Variants in STT3A observed in about 807,000 individuals in gnomAD.
STT3A encodes the protein dolichyl-diphosphooligosaccharide--protein glycosyltransferase subunit STT3A.
In STT3A, 34 loss-of-function variants were observed where a neutral mutation model predicts 89.2. The observed-to-expected ratio is 0.38, with a 90% CI of 0.29 to 0.51. The LOEUF (loss-of-function observed/expected upper bound fraction) is 0.51, where lower values mean the gene tolerates loss of function less well. Among genes scored for constraint, STT3A ranks in the 20% least tolerant of loss-of-function variants. The probability of loss-of-function intolerance (pLI) is 0.89; values close to 1 mark genes in which losing one functional copy is unlikely to be tolerated. For missense variants in STT3A, 555 were observed against 889.5 expected, an observed-to-expected ratio of 0.62 and a Z score of 4.78; for synonymous variants, 282 against 310.3, an observed-to-expected ratio of 0.91 and a Z score of 0.96.
chr11:125,602,756 TAAG>T (rs1381309409), intron 4 of STT3A, 44 bp from the exon 5 acceptor site: 1 of 1,610,094 alleles, frequency 6.2e-7, no homozygotes, highest in Non-Finnish European at 8.5e-7. Context: ...CTTTTTCCCT[TAAG>T]TTCTGGTAAG....
chr11:125,603,721 C>T (rs1302566423), intron 5 of STT3A, among the ~76,000 whole-genome samples: 1 of 152,212 alleles, frequency 6.6e-6, no homozygotes, highest in Non-Finnish European at 1.5e-5. Flanking sequence ...GGTAGATTAT[C>T]ACTTAGCTTT....
In STT3A at chr11:125,612,689, G is replaced by C. The variant is rs1317203397; in HGVS notation, c.1307G>C (p.Ser436Thr). Residue 436 changes from serine to threonine, a missense_variant, in exon 12 of 18, where the codon AGT (serine) becomes ACT (threonine). Coordinates refer to ENST00000392708, the MANE Select transcript of STT3A (RefSeq NM_152713.5). ...LSTYMKNLDI[S>T]RPDKKSKKQQ... is the part of the protein sequence containing the mutation. ...ACATACATGAAGAATCTGGACATAAGTCGTCCAGACAAGAAGAGCAAGAAG... is the reference window on the plus strand; with the variant it reads ...ACATACATGAAGAATCTGGACATAACTCGTCCAGACAAGAAGAGCAAGAAG... 4.3e-6 allele frequency: 7 copies of C among 1,614,022 alleles called. No individual in the cohort carries two copies. In the African/African-American group the frequency reaches 9.3e-5, roughly 22 times the overall value.
At chr11:125,606,125 A>T in intron 7 of STT3A, 176 bp from the exon 8 acceptor site, 1 of 598,300 alleles carries the variant, frequency 1.7e-6, no homozygotes, top group Non-Finnish European at 2.8e-6. Flanking sequence ...TAAGGACTTG[A>T]TTTTCCTGTT....
intron 11 of STT3A, among the ~76,000 whole-genome samples, chr11:125,611,998 C>T (rs1398123414): frequency 1.3e-5 from 2 of 150,432 alleles, no homozygotes; most frequent in African/African-American, 4.9e-5. Flanking sequence ...CTGCCTCAGC[C>T]TCCCAAATAG....
chr11:125,618,207 C>T (rs942392740), intron 15 of STT3A, among the ~76,000 whole-genome samples, 166 bp from the exon 16 acceptor site: 3 of 152,170 alleles, frequency 2.0e-5, no homozygotes, highest in South Asian at 2.1e-4. Flanking sequence ...TATATTTTGA[C>T]GAAAAATGCT....
At chr11:125,606,182 A>C (rs1263263408) in intron 7 of STT3A, 119 bp from the exon 8 acceptor site, 1 of 1,012,478 alleles carries the variant, frequency 9.9e-7, no homozygotes, top group Non-Finnish European at 1.4e-6. Context: ...ATTTGGCATA[A>C]ATAAAGTTAT....
chr11:125,617,556 G>A (rs558952366), intron 15 of STT3A, among the ~76,000 whole-genome samples: 61 of 152,312 alleles, frequency 4.0e-4, no homozygotes, highest in South Asian at 1.7e-3. Context: ...CCTAAAGCCT[G>A]TGCAAGCAAT....
intron 15 of STT3A, among the ~76,000 whole-genome samples, chr11:125,615,996 G>A (rs1000309263): frequency 2.0e-5 from 3 of 152,004 alleles, no homozygotes; most frequent in South Asian, 4.1e-4. Context: ...TTGAGATTGC[G>A]CCACTGCACC....
intron 3 of STT3A, 111 bp downstream of exon 3, chr11:125,597,230 C>T: frequency 9.2e-7 from 1 of 1,086,884 alleles, no homozygotes; most frequent in Admixed American, 2.1e-5. Context: ...GCTTTCAGTA[C>T]ATTTAAGGGA....
chr11:125,602,111 A>G (rs945024453), intron 3 of STT3A, among the ~76,000 whole-genome samples, 192 bp from the exon 4 acceptor site: 3 of 152,152 alleles, frequency 2.0e-5, no homozygotes, highest in Non-Finnish European at 4.4e-5. Flanking sequence ...TCCTTATGAG[A>G]AAAGCAGTGC....
At chr11:125,608,977 C>T (rs1252757921) in intron 9 of STT3A, among the ~76,000 whole-genome samples, 2 of 152,138 alleles carry the variant, frequency 1.3e-5, no homozygotes. Flanking sequence ...CATCTAATCC[C>T]ATGGAAACTA....
intron 3 of STT3A, among the ~76,000 whole-genome samples, chr11:125,597,927 G>A (rs754288680): frequency 5.9e-5 from 9 of 152,178 alleles, no homozygotes; most frequent in Admixed American, 2.6e-4. Context: ...GAAATGAGGA[G>A]ACTCCACTGG....
In STT3A at chr11:125,605,685, A is replaced by G. The variant is rs770294548; in HGVS notation, c.565A>G (p.Thr189Ala). 2.5e-6 allele frequency: 4 copies of G among 1,613,984 alleles called. No individual in the cohort carries two copies. Among genetic ancestry groups the G allele is most frequent in the Non-Finnish European group, 2.5e-6 (3 of 1,180,004 alleles). The change falls in exon 7 of 18, where the codon ACT (threonine) becomes GCT (alanine). Residue 189 changes from threonine to alanine, a missense_variant. Thr to Ala is a moderately conservative substitution (Grantham distance 58). This residue lies in a region of STT3A where 149 missense variants were observed against 206.2 expected (regional missense o/e 0.72). Transcript: ENST00000392708. ...CTACATGTGGATCAAGGCAGTAAAG[A>G]CTGGTTCCATCTGTTGGGCAGCTAA... ...TYYMWIKAVKTGSICWAAKCA... is the reference protein window; with the variant it reads ...TYYMWIKAVKAGSICWAAKCA...
intron 8 of STT3A, among the ~76,000 whole-genome samples, chr11:125,607,824 G>A (rs973434570): frequency 6.6e-6 from 1 of 152,236 alleles, no homozygotes; most frequent in African/African-American, 2.4e-5. Context: ...GAGAATTTTA[G>A]TGGATGGGAA....
chr11:125,592,040 T>G (rs1186397761), upstream of STT3A, among the ~76,000 whole-genome samples: 1 of 152,058 alleles, frequency 6.6e-6, no homozygotes. Flanking sequence ...GGCCGGTATT[T>G]TAACAAAGGG....
intron 15 of STT3A, among the ~76,000 whole-genome samples, chr11:125,616,970 A>AC (rs1214557629): frequency 5.3e-5 from 8 of 152,108 alleles, no homozygotes; most frequent in African/African-American, 2.4e-5. Flanking sequence ...GAGCCATCAC[A>AC]CCCAGCCATT....
At chr11:125,603,083 T>A in intron 5 of STT3A, 135 bp downstream of exon 5, 1 of 1,059,134 alleles carries the variant, frequency 9.4e-7, no homozygotes, top group Non-Finnish European at 1.3e-6. Flanking sequence ...TGGGCCAAAT[T>A]AATTGGCTTC....
In STT3A at chr11:125,614,902, C is replaced by T. The variant is rs1026942597; in HGVS notation, c.1774+476C>T. ...ACCATGTGCCCTATGATTATTGGCA[C>T]AAAGATTTTTAGAAGAAACATCCAA... On this transcript the variant is annotated intron_variant, in intron 15 of 17. Coordinates refer to ENST00000392708, the MANE Select transcript of STT3A (RefSeq NM_152713.5). The surrounding 1 kb of genome is among the most constrained non-coding windows in gnomAD (Gnocchi z 4.9). 6.6e-6 allele frequency among the ~76,000 whole-genome samples: 1 copy of T among 151,922 alleles called. No homozygotes were observed. The highest frequency in any genetic ancestry group is 2.4e-5 in the African/African-American group (1 of 41,364).
upstream of STT3A, chr11:125,592,598 C>T: frequency 2.4e-6 from 1 of 413,588 alleles, no homozygotes; most frequent in Non-Finnish European, 4.8e-6. Flanking sequence ...CTCAACCAAA[C>T]TGCTTGGGGC....
Sources: allele counts gnomAD v4.1 joint callset (sites outside exome capture counted in the v4.1 genomes callset), GRCh38; gene constraint gnomAD v4.1.1; regional missense constraint gnomAD v4.1.1; non-coding constraint Gnocchi (gnomAD v3.1); transcripts MANE v1.5; gene names NCBI Gene and HGNC (gene_info 2026-07-23, HGNC 2026-07-21).